The following PROM2 variants were observed in gnomAD, a reference collection of about 807,000 sequenced individuals.
PROM2 encodes the protein prominin 2.
In PROM2, 90 loss-of-function variants were observed where a neutral mutation model predicts 110.2. The observed-to-expected ratio is 0.82, with a 90% confidence interval of 0.69 to 0.97. The LOEUF (loss-of-function observed/expected upper bound fraction) is 0.97. Among genes scored for constraint, PROM2 ranks in the 50% least tolerant of loss-of-function variants. PROM2 has a pLI of 0.00. For synonymous variants in PROM2, 470 were observed against 467.8 expected (o/e 1.00, Z -0.06); for missense variants, 1,009 against 1,074.8 (o/e 0.94, Z 0.86).
At chr2:95,279,438 A>T (rs1382665536) in intron 10 of PROM2, among the ~76,000 whole-genome samples, 1 of 151,882 alleles carries the variant, frequency 6.6e-6, no homozygotes, top group Non-Finnish European at 1.5e-5. Flanking sequence ...CTGGGACTAC[A>T]GGCGTGCGCC....
intron 6 of PROM2, 74 bp from the exon 7 acceptor site, chr2:95,277,290 G>A: frequency 6.8e-7 from 1 of 1,466,104 alleles, no homozygotes; most frequent in Non-Finnish European, 9.3e-7. Flanking sequence ...CTGGGGGAGG[G>A]GAGTTCTGCC....
At position 95,281,923 on chromosome 2, in the gene PROM2, A is replaced by T; in HGVS notation, c.1552-2A>T. The T allele has an allele frequency of 6.2e-7, 1 of 1,613,246 alleles. No homozygotes were observed. The highest frequency in any genetic ancestry group is 1.1e-5 in the South Asian group (1 of 91,048). ...GCCCATTTCTCACTGCCCCATCCCC[A>T]GTTTGCAGACACCCCAGGGAACCTG... is the stretch of plus-strand genomic sequence containing the variant. On this transcript the variant is annotated splice_acceptor_variant, in intron 12 of 23. Transcript: ENST00000317620. LOFTEE classifies it high-confidence loss of function.
intron 22 of PROM2, 109 bp downstream of exon 22, chr2:95,288,698 C>T (rs998530634): frequency 1.0e-6 from 1 of 991,794 alleles, no homozygotes; most frequent in Non-Finnish European, 1.5e-6. Context: ...GCAGAGGAGG[C>T]TCATGAGCGA....
chr2:95,275,149 G>A lies in PROM2; in HGVS notation c.245-312G>A. 2.0e-6 allele frequency: 1 copy of A among 494,372 alleles called. No individual in the cohort carries two copies. Among genetic ancestry groups the A allele is most frequent in the South Asian group, 3.9e-5 (1 of 25,670 alleles). 30.6% of individuals were successfully genotyped at this position (494,372 alleles called of 1,614,324 possible). A position where few individuals can be genotyped will look rare whatever the true frequency, so the allele number is the denominator to read the frequency against. On this transcript the variant is annotated intron_variant, in intron 1 of 23. Coordinates refer to ENST00000317620, the MANE Select transcript of PROM2 (RefSeq NM_001165978.3). The surrounding 1 kb of genome is among the most constrained non-coding windows in gnomAD (Gnocchi z 4.4). Reference sequence around the variant, plus strand: ...CAGGAGTGTCTGAAGGACCCTCCCAGTCCTGTCCCTTGCTGCTTGAGGGGA... The same window carrying A: ...CAGGAGTGTCTGAAGGACCCTCCCAATCCTGTCCCTTGCTGCTTGAGGGGA...
intron 22 of PROM2, 84 bp from the exon 23 acceptor site, chr2:95,288,849 C>T (rs959885711): frequency 1.3e-4 from 186 of 1,395,124 alleles, no homozygotes; most frequent in Non-Finnish European, 1.8e-4. Flanking sequence ...GAGGAGAAAC[C>T]CTCAGGGCTC....
intron 10 of PROM2, 32 bp downstream of exon 10, chr2:95,279,176 G>T: frequency 7.7e-7 from 1 of 1,299,396 alleles, no homozygotes; most frequent in Non-Finnish European, 1.0e-6. Flanking sequence ...GATGGGGTGG[G>T]GTGGGGTGGG....
intron 20 of PROM2, 72 bp downstream of exon 20, chr2:95,287,536 G>A (rs575369682): frequency 6.0e-6 from 9 of 1,498,698 alleles, no homozygotes; most frequent in East Asian, 2.3e-5. Flanking sequence ...GCTCTGCCCC[G>A]CCCCCGCCCC....
In PROM2 at chr2:95,286,490, G is replaced by A; in HGVS notation, c.1959G>A (p.Val653=). The A allele has an allele frequency of 6.2e-7, 1 of 1,613,742 alleles. No individual in the cohort carries two copies. The highest frequency in any genetic ancestry group is 8.5e-7 in the Non-Finnish European group (1 of 1,179,940). ...TTGTATCCTTTCAGGACAATTCTGT[G>A]CTGGGGCAGCGGCTGCAGGAGGAGG... ...QGLAQAQDNS[V]LGQRLQEEAQ... is the part of the protein sequence containing the mutation. The change falls in exon 17 of 24, where the codon GTG becomes GTA. Residue 653 remains valine (V), a synonymous_variant. Transcript: ENST00000317620.
At chr2:95,285,338 C>A (rs1211530788) in intron 15 of PROM2, among the ~76,000 whole-genome samples, 1 of 152,230 alleles carries the variant, frequency 6.6e-6, no homozygotes, top group African/African-American at 2.4e-5. Context: ...CCCAACCCAA[C>A]AGCATGTGTT....
At position 95,288,506 on chromosome 2, in the gene PROM2, A is replaced by G. The variant is rs1677511562; in HGVS notation, c.2358A>G (p.Ala786=). The change falls in exon 22 of 24, where the codon GCA becomes GCG. Residue 786 remains alanine, a synonymous_variant. Coordinates refer to ENST00000317620, the MANE Select transcript of PROM2 (RefSeq NM_001165978.3). ...AGAATGCCTTCTGGTTCTGCCTGGC[A>G]TGGTGCACCTTCTTCCTGATCCCCA... is the stretch of plus-strand genomic sequence containing the variant. ...DPWNAFWFCL[A]WCTFFLIPSI... The G allele has an allele frequency of 1.2e-6, 2 of 1,614,080 alleles. No individual in the cohort carries two copies. Among genetic ancestry groups the G allele is most frequent in the African/African-American group, 1.3e-5 (1 of 74,940 alleles).
Position 95,288,531 on chromosome 2 carries a change from A to G in PROM2, c.2383A>G (p.Ser795Gly). ...ATGGTGCACCTTCTTCCTGATCCCC[A>G]GCATCATCTTTGCCGTCAAGACCTC... ...LAWCTFFLIP[S>G]IIFAVKTSKY... is the part of the protein sequence containing the mutation. Residue 795 changes from serine (S) to glycine (G), a missense_variant, in exon 22 of 24, where the codon AGC becomes GGC. Physicochemically the swap from Ser to Gly is moderately conservative, Grantham distance 56. Coordinates refer to ENST00000317620, the MANE Select transcript of PROM2 (RefSeq NM_001165978.3). 6.2e-7 allele frequency: 1 copy of G among 1,614,210 alleles called. No individual in the cohort carries two copies.
In PROM2 at chr2:95,275,395, G is replaced by A; in HGVS notation, c.245-66G>A. 6.7e-7 allele frequency: 1 copy of A among 1,491,208 alleles called. No homozygotes were observed. Among genetic ancestry groups the A allele is most frequent in the Non-Finnish European group, 9.2e-7 (1 of 1,092,046 alleles). 92.4% of individuals were successfully genotyped at this position (1,491,208 alleles called of 1,614,324 possible). On this transcript the variant is annotated intron_variant, in intron 1 of 23. Coordinates refer to ENST00000317620, the MANE Select transcript of PROM2 (RefSeq NM_001165978.3). This position sits in a 1 kb window ranked among gnomAD's most constrained non-coding sequence, Gnocchi z 4.4. ...AGAGCCACTTTGCCCTGGCAGTGGG[G>A]AGAGGAGGGACACAGGGGCAGGGCA...
In PROM2 at chr2:95,277,197, T is replaced by TC. The variant is rs1676721443; in HGVS notation, c.772+138dup. 6.7e-5 allele frequency: 75 copies of TC among 1,117,490 alleles called. 2 individuals are homozygous for TC. The South Asian group carries it at 1.1e-3, about 17-fold the overall frequency. 69.2% of individuals were successfully genotyped at this position (1,117,490 alleles called of 1,614,324 possible). A position where few individuals can be genotyped will look rare whatever the true frequency, so the allele number is the denominator to read the frequency against. On this transcript the variant is annotated intron_variant, in intron 6 of 23. Transcript: ENST00000317620. ...ACTTCCCCATCGCTGTACCCCAGGA[T>TC]CCAGCCCCCCTCCCCTGGCTTAATG... is the stretch of plus-strand genomic sequence containing the variant.
rs371857536 is a variant in PROM2, at chr2:95,275,941, C to G, written c.306C>G (p.Tyr102Ter). 1.2e-6 allele frequency: 2 copies of G among 1,610,466 alleles called. No homozygotes were observed. The highest frequency in any genetic ancestry group is 1.7e-5 in the Admixed American group (1 of 59,624). ...ASVKVNEVVR[Y>*]EAGYVVCAVI... Reference sequence around the variant, plus strand: ...TGCTGCCTGCCCAGGTGGTGCGGTACGAGGCGGGCTACGTGGTATGCGCTG... The same window carrying G: ...TGCTGCCTGCCCAGGTGGTGCGGTAGGAGGCGGGCTACGTGGTATGCGCTG... Residue 102 changes from tyrosine (Y) to a stop codon, truncating the protein, a stop_gained, in exon 3 of 24, where the codon TAC becomes TAG. Transcript: ENST00000317620. LOFTEE classifies it high-confidence loss of function. This position sits in a 1 kb window ranked among gnomAD's most constrained non-coding sequence, Gnocchi z 4.4.
In PROM2 at chr2:95,285,723, CAG is replaced by C. The variant is rs1377792604; in HGVS notation, c.1947+14_1947+15del. 1.3e-6 allele frequency: 2 copies of C among 1,586,792 alleles called. No homozygotes were observed. Among genetic ancestry groups the C allele is most frequent in the African/African-American group, 2.7e-5 (2 of 74,254 alleles). The stretch of plus-strand genomic sequence containing the variant: ...GGCCCAGGCCCAAGTGAGTGGGAAA[CAG>C]GGCCCCGACTGGGCAGCAGGAGCCA... On this transcript the variant is annotated intron_variant, in intron 16 of 23. Transcript: ENST00000317620.
intron 7 of PROM2, 57 bp downstream of exon 7, chr2:95,277,623 C>G: frequency 6.9e-7 from 1 of 1,444,798 alleles, no homozygotes; most frequent in African/African-American, 1.4e-5. Flanking sequence ...GCCTGCTGCT[C>G]CTGGGATCTG....
chr2:95,278,111 C>A, intron 8 of PROM2, 107 bp downstream of exon 8: 1 of 901,092 alleles, frequency 1.1e-6, no homozygotes, highest in Non-Finnish European at 1.8e-6. Flanking sequence ...TGGGGTCCCA[C>A]CCACCACACA....
intron 14 of PROM2, among the ~76,000 whole-genome samples, chr2:95,284,691 G>A (rs1415526107): frequency 6.6e-6 from 1 of 151,986 alleles, no homozygotes; most frequent in African/African-American, 2.4e-5. Context: ...CCAACGCAGA[G>A]GTGCCACACT....
rs781565434 is a variant in PROM2, at chr2:95,275,893, G to A, written c.295-37G>A. The stretch of plus-strand genomic sequence containing the variant: ...GGCAGAAGCCAGGGCTGGGCAGTGG[G>A]GGTCGGGTCACCCCTCATGCCCTGC... On this transcript the variant is annotated intron_variant, in intron 2 of 23. Transcript: ENST00000317620. This position sits in a 1 kb window ranked among gnomAD's most constrained non-coding sequence, Gnocchi z 4.4. 1 of 1,582,488 alleles carries A rather than the reference G, an allele frequency of 6.3e-7. No homozygotes were observed. The highest frequency in any genetic ancestry group is 8.6e-7 in the Non-Finnish European group (1 of 1,166,470).
Sources: allele counts gnomAD v4.1 joint callset (sites outside exome capture counted in the v4.1 genomes callset), GRCh38; gene constraint gnomAD v4.1.1; non-coding constraint Gnocchi (gnomAD v3.1); transcripts MANE v1.5; gene names NCBI Gene and HGNC (gene_info 2026-07-23, HGNC 2026-07-21).